Variants in PLEKHO2 observed in about 807,000 individuals in gnomAD.
PLEKHO2 encodes the protein pleckstrin homology domain-containing family O member 2.
A neutral mutation model predicts 32.7 loss-of-function variants in PLEKHO2; 20 were observed. The observed-to-expected ratio is 0.61, with a 90% CI of 0.43 to 0.89. The LOEUF is 0.89. Ranked by LOEUF, PLEKHO2 falls within the 40% of genes least tolerant of loss-of-function variation. The pLI, the probability that PLEKHO2 is intolerant of heterozygous loss-of-function variation, is 0.00. For missense variants in PLEKHO2, 568 were observed against 621.2 expected, an observed-to-expected ratio of 0.91 and a Z score of 0.91; for synonymous variants, 247 against 246.3, an observed-to-expected ratio of 1.00 and a Z score of -0.03.
rs1007438767 is a variant in PLEKHO2, at chr15:64,865,361, A to T, written c.946A>T (p.Ile316Phe). 2 of 1,613,564 alleles carry T rather than the reference A, an allele frequency of 1.2e-6. No homozygotes were observed. Among genetic ancestry groups the T allele is most frequent in the South Asian group, 1.1e-5 (1 of 91,064 alleles). ...GAAGCCCCCTACACCCCCACCCAAGATCTTATCAGAGAAACTGAAAGCCTC... is the reference window on the plus strand; with the variant it reads ...GAAGCCCCCTACACCCCCACCCAAGTTCTTATCAGAGAAACTGAAAGCCTC... ...GGKPPTPPPK[I>F]LSEKLKASMG... The change falls in exon 6 of 6, where the codon ATC becomes TTC. Residue 316 changes from isoleucine (I) to phenylalanine (F), a missense_variant. Physicochemically the swap from Ile to Phe is conservative, Grantham distance 21. Transcript: ENST00000323544.
chr15:64,858,718 A>G (rs1349649050), intron 3 of PLEKHO2, among the ~76,000 whole-genome samples: 1 of 152,164 alleles, frequency 6.6e-6, no homozygotes, highest in Non-Finnish European at 1.5e-5. Flanking sequence ...CTAGCTCCAG[A>G]TTTAGTACTT....
intron 3 of PLEKHO2, among the ~76,000 whole-genome samples, chr15:64,857,087 C>G (rs1410409195): frequency 6.6e-6 from 1 of 152,252 alleles, no homozygotes; most frequent in Non-Finnish European, 1.5e-5. Flanking sequence ...GCCTTGCTGC[C>G]CTGCTGGTCT....
intron 1 of PLEKHO2, among the ~76,000 whole-genome samples, chr15:64,843,639 G>A (rs2084501683): frequency 2.0e-5 from 3 of 150,452 alleles, no homozygotes; most frequent in Admixed American, 6.6e-5. Context: ...GGAGTGCAGT[G>A]GCGAGATATT....
At chr15:64,845,088 A>C (rs72757643) in intron 1 of PLEKHO2, among the ~76,000 whole-genome samples, 2,750 of 152,328 alleles carry the variant, frequency 0.018, 56 homozygotes, top group South Asian at 0.03. Flanking sequence ...GTCAAAGAGC[A>C]AAGGTTGTCA....
chr15:64,863,786 C>T (rs2084662296), intron 5 of PLEKHO2, among the ~76,000 whole-genome samples: 1 of 151,626 alleles, frequency 6.6e-6, no homozygotes, highest in Non-Finnish European at 1.5e-5. Context: ...TCTTGTTGCC[C>T]AGGCTGGAGT....
Position 64,865,657 on chromosome 15 carries a change from G to T in PLEKHO2, c.1242G>T (p.Leu414=), listed in dbSNP as rs1220332799. ...QPRERLYRAQ[L]EVKVASEQTE... ...GGGAACGGCTATATCGGGCCCAGCT[G>T]GAGGTGAAGGTGGCCTCGGAACAGA... The change falls in exon 6 of 6, where the codon CTG becomes CTT. Residue 414 remains leucine, a synonymous_variant. Coordinates refer to ENST00000323544, the MANE Select transcript of PLEKHO2 (RefSeq NM_025201.5). 7 of 1,614,134 alleles carry T rather than the reference G, an allele frequency of 4.3e-6. No individual in the cohort carries two copies. In the African/African-American group the frequency reaches 8.0e-5, roughly 18 times the overall value.
intron 3 of PLEKHO2, 75 bp from the exon 4 acceptor site, chr15:64,859,819 A>G: frequency 7.8e-7 from 1 of 1,276,492 alleles, no homozygotes; most frequent in East Asian, 2.3e-5. Flanking sequence ...GGATCTAGGT[A>G]AGGAAGCCTC....
chr15:64,867,812 C>G lies in PLEKHO2; in HGVS notation c.*1924C>G, dbSNP rs1384826459. 1 of 152,258 alleles carries G rather than the reference C, an allele frequency of 6.6e-6. No homozygotes were observed. Among genetic ancestry groups the G allele is most frequent in the Non-Finnish European group, 1.5e-5 (1 of 68,064 alleles). The allele number at this position is 152,258 out of a possible 1,614,324, so 9.4% of individuals were successfully genotyped here. A position where few individuals can be genotyped will look rare whatever the true frequency, so the allele number is the denominator to read the frequency against. On this transcript the variant is annotated 3_prime_UTR_variant, in exon 6 of 6. Transcript: ENST00000323544. Reference sequence around the variant, plus strand: ...TGACCAAATGCTATTAATTTCCATCCTTTAGCAGGCTGGGCCCTAGGCAGG... The same window carrying G: ...TGACCAAATGCTATTAATTTCCATCGTTTAGCAGGCTGGGCCCTAGGCAGG...
At chr15:64,846,415 G>A (rs1284055345) in intron 1 of PLEKHO2, among the ~76,000 whole-genome samples, 1 of 151,890 alleles carries the variant, frequency 6.6e-6, no homozygotes, top group Non-Finnish European at 1.5e-5. Flanking sequence ...CTGGCTCAAG[G>A]GATTCTCCTG....
intron 2 of PLEKHO2, among the ~76,000 whole-genome samples, chr15:64,850,045 A>T (rs142490322): frequency 1.6e-3 from 236 of 152,036 alleles, no homozygotes; most frequent in African/African-American, 5.5e-3. Context: ...CCGTAATGCC[A>T]GCTACTCAGG....
Position 64,865,952 on chromosome 15 carries a change from T to C in PLEKHO2, c.*64T>C. 6.6e-7 allele frequency: 1 copy of C among 1,522,256 alleles called. No homozygotes were observed. The highest frequency in any genetic ancestry group is 2.3e-5 in the East Asian group (1 of 43,894). The allele number at this position is 1,522,256 out of a possible 1,614,324, so 94.3% of individuals were successfully genotyped here. On this transcript the variant is annotated 3_prime_UTR_variant, in exon 6 of 6. Coordinates refer to ENST00000323544, the MANE Select transcript of PLEKHO2 (RefSeq NM_025201.5). ...CATCAAGTCCATCAAGGCCCAGCCC[T>C]GCTGAGAAATGTGCTTCTGCTTCTA...
chr15:64,858,598 C>T (rs2084621697), intron 3 of PLEKHO2, among the ~76,000 whole-genome samples: 1 of 152,166 alleles, frequency 6.6e-6, no homozygotes, highest in African/African-American at 2.4e-5. Flanking sequence ...ATTTCCCCAT[C>T]ATTGCTTGGT....
chr15:64,863,014 C>CCTTGAGAT (rs1342418411), intron 5 of PLEKHO2, among the ~76,000 whole-genome samples: 2 of 148,320 alleles, frequency 1.3e-5, no homozygotes, highest in African/African-American at 5.0e-5. Context: ...TCTCAGCTCA[C>CCTTGAGAT]TGCAACCTCC....
At chr15:64,861,072 G>T (rs553410891) in intron 4 of PLEKHO2, among the ~76,000 whole-genome samples, 11 of 152,352 alleles carry the variant, frequency 7.2e-5, no homozygotes, top group Admixed American at 5.2e-4. Flanking sequence ...TCTCTCTCTG[G>T]GCTCTCTCCA....
Position 64,865,720 on chromosome 15 carries a change from G to A in PLEKHO2, c.1305G>A (p.Pro435=), listed in dbSNP as rs760942579. ...TGAACAAGGTGCTGGGCAGTGAGCCGGCCCCTGTTAGTGCCGAAACATTGC... is the reference window on the plus strand; with the variant it reads ...TGAACAAGGTGCTGGGCAGTGAGCCAGCCCCTGTTAGTGCCGAAACATTGC... The part of the protein sequence containing the change: ...KLLNKVLGSE[P]APVSAETLLS... Residue 435 remains proline, a synonymous_variant, in exon 6 of 6, where the codon CCG becomes CCA. Transcript: ENST00000323544. 96 of 1,614,094 alleles carry A rather than the reference G, an allele frequency of 5.9e-5. No individual in the cohort carries two copies. Among genetic ancestry groups the A allele is most frequent in the South Asian group, 3.5e-4 (32 of 91,090 alleles).
At chr15:64,853,561 TG>T in intron 2 of PLEKHO2, among the ~76,000 whole-genome samples, 1 of 152,260 alleles carries the variant, frequency 6.6e-6, no homozygotes, top group East Asian at 1.9e-4. Flanking sequence ...CCCAAAGTGC[TG>T]GGATTACAGG....
chr15:64,848,525 C>G, intron 1 of PLEKHO2, 68 bp from the exon 2 acceptor site: 1 of 1,584,578 alleles, frequency 6.3e-7, no homozygotes, highest in Non-Finnish European at 8.6e-7. Flanking sequence ...CCTTGTGTGA[C>G]CTATGAACCT....
In PLEKHO2 at chr15:64,864,892, C is replaced by G; in HGVS notation, c.484-7C>G. On this transcript the variant is annotated splice_polypyrimidine_tract_variant and splice_region_variant and intron_variant, in intron 5 of 5. Transcript: ENST00000323544. Reference sequence around the variant, plus strand: ...AGATGACACCCATATACCATCCCCCCCACCAGGTGGCCAGTGCAGCTTCTG... The same window carrying G: ...AGATGACACCCATATACCATCCCCCGCACCAGGTGGCCAGTGCAGCTTCTG... 6.3e-7 allele frequency: 1 copy of G among 1,580,878 alleles called. No individual in the cohort carries two copies. The highest frequency in any genetic ancestry group is 8.6e-7 in the Non-Finnish European group (1 of 1,162,018).
At chr15:64,853,467 A>G (rs2084585340) in intron 2 of PLEKHO2, among the ~76,000 whole-genome samples, 1 of 149,436 alleles carries the variant, frequency 6.7e-6, no homozygotes, top group Non-Finnish European at 1.5e-5. Flanking sequence ...TTTTTTTTGT[A>G]TTTTTTTTAG....
Sources: gnomAD v4.1 joint callset for allele counts (sites outside exome capture counted in the v4.1 genomes callset) on GRCh38, gnomAD v4.1.1 for gene constraint, MANE v1.5 for transcripts, NCBI Gene and HGNC (gene_info 2026-07-23, HGNC 2026-07-21) for gene names.